Variants in BBS9 observed in about 807,000 individuals in gnomAD.
The protein encoded by BBS9 is Bardet-Biedl syndrome 9.
A neutral mutation model predicts 117.7 loss-of-function variants in BBS9; 89 were observed. The ratio of observed to expected loss-of-function variants is 0.76; its 90% CI spans 0.64 to 0.90. The LOEUF (loss-of-function observed/expected upper bound fraction) is 0.90. BBS9 is among the 40% of genes least tolerant of loss of function. The pLI is 0.00. For synonymous variants in BBS9, 379 were observed against 370.9 expected (o/e 1.02, Z -0.25); for missense variants, 982 against 1,042.2 (o/e 0.94, Z 0.80).
downstream of BBS9, among the ~76,000 whole-genome samples, chr7:33,608,596 C>T (rs2129212356): frequency 6.6e-6 from 1 of 152,208 alleles, no homozygotes; most frequent in East Asian, 1.9e-4. Flanking sequence ...GAGGGTGTCT[C>T]ATTGTGGCTT....
intron 21 of BBS9, among the ~76,000 whole-genome samples, chr7:33,542,739 G>A (rs1432635607): frequency 7.0e-6 from 1 of 143,714 alleles, no homozygotes; most frequent in Non-Finnish European, 1.5e-5. Context: ...GTGTATATGT[G>A]TGTGTATATA....
intron 5 of BBS9, among the ~76,000 whole-genome samples, chr7:33,183,604 A>G (rs570697398): frequency 1.3e-5 from 2 of 152,328 alleles, no homozygotes; most frequent in South Asian, 2.1e-4. Flanking sequence ...AGCACTGGAC[A>G]GTTTCCATTG....
chr7:33,474,717 G>C (rs1841558088), intron 19 of BBS9, among the ~76,000 whole-genome samples: 1 of 152,206 alleles, frequency 6.6e-6, no homozygotes, highest in South Asian at 2.1e-4. Context: ...GGAGGCTGAG[G>C]CAGGTGGTTC....
At chr7:33,543,116 A>G (rs1053511378) in intron 21 of BBS9, among the ~76,000 whole-genome samples, 5 of 152,102 alleles carry the variant, frequency 3.3e-5, no homozygotes, top group African/African-American at 9.7e-5. Context: ...ATCCACGCCA[A>G]CATCTACTGT....
chr7:33,240,148 T>G (rs1794234015), intron 5 of BBS9, among the ~76,000 whole-genome samples: 1 of 152,220 alleles, frequency 6.6e-6, no homozygotes, highest in Non-Finnish European at 1.5e-5. Flanking sequence ...AGACTATTTA[T>G]TTCCTTTGAC....
chr7:33,392,912 T>A (rs1827306019), intron 19 of BBS9, among the ~76,000 whole-genome samples: 1 of 152,154 alleles, frequency 6.6e-6, no homozygotes, highest in Non-Finnish European at 1.5e-5. Flanking sequence ...ACGCCTGTAA[T>A]CCTGGCACTT....
intron 21 of BBS9, among the ~76,000 whole-genome samples, chr7:33,535,179 C>T (rs1016735422): frequency 1.3e-5 from 2 of 152,130 alleles, no homozygotes; most frequent in Admixed American, 6.5e-5. Flanking sequence ...CTCTTTTTAT[C>T]CATTACTACT....
intron 9 of BBS9, among the ~76,000 whole-genome samples, chr7:33,303,529 GC>G (rs1205416824): frequency 3.0e-4 from 30 of 100,312 alleles, no homozygotes; most frequent in South Asian, 1.1e-3. Context: ...CCCTCCCCCC[GC>G]CCCTTCTTTC....
intron 19 of BBS9, among the ~76,000 whole-genome samples, chr7:33,408,550 G>C (rs1190587900): frequency 6.6e-6 from 1 of 152,198 alleles, no homozygotes; most frequent in Non-Finnish European, 1.5e-5. Flanking sequence ...GGGAGCTGTA[G>C]ACTGGAGCTG....
intron 11 of BBS9, among the ~76,000 whole-genome samples, chr7:33,342,033 G>T (rs1363749554): frequency 6.6e-6 from 1 of 151,980 alleles, no homozygotes; most frequent in African/African-American, 2.4e-5. Flanking sequence ...TACAATATTT[G>T]GAGTTCATAT....
At chr7:33,607,005 G>A (rs547364821), downstream of BBS9, among the ~76,000 whole-genome samples, 78 of 152,046 alleles carry the variant, frequency 5.1e-4, no homozygotes, top group South Asian at 6.0e-3. Context: ...ACCTTTCTTG[G>A]CATTCATCTT....
chr7:33,487,518 CAGG>C (rs1443073754), intron 19 of BBS9, among the ~76,000 whole-genome samples: 1 of 152,120 alleles, frequency 6.6e-6, no homozygotes, highest in Non-Finnish European at 1.5e-5. Context: ...ATTAGAGAAA[CAGG>C]AGGATTGTCT....
chr7:33,522,596 T>TG (rs1241168748), intron 20 of BBS9, among the ~76,000 whole-genome samples: 8 of 152,140 alleles, frequency 5.3e-5, no homozygotes, highest in African/African-American at 1.9e-4. Flanking sequence ...ATGGGGTTGT[T>TG]TGTTTTTTTC....
At chr7:33,472,114 G>A (rs1235959299) in intron 19 of BBS9, among the ~76,000 whole-genome samples, 1 of 152,198 alleles carries the variant, frequency 6.6e-6, no homozygotes, top group Middle Eastern at 3.2e-3. Flanking sequence ...CTGAGAACTA[G>A]CGAAGTAAGC....
At chr7:33,211,280 G>C (rs11771256) in intron 5 of BBS9, among the ~76,000 whole-genome samples, 146,292 of 152,266 alleles carry the variant, frequency 0.96, 70,334 homozygotes, top group East Asian at 1. Flanking sequence ...GTGACTTTCT[G>C]TGGTGGTATG....
intron 20 of BBS9, among the ~76,000 whole-genome samples, chr7:33,524,642 TTTTC>T (rs1849187885): frequency 1.3e-5 from 2 of 152,302 alleles, no homozygotes; most frequent in East Asian, 1.9e-4. Context: ...TTCTCTCTTT[TTTTC>T]TTTATTAGTC....
intron 5 of BBS9, among the ~76,000 whole-genome samples, chr7:33,235,954 T>G (rs1793400090): frequency 6.6e-6 from 1 of 152,194 alleles, no homozygotes; most frequent in East Asian, 1.9e-4. Context: ...TAGCTCTTTT[T>G]GAGTAACGAA....
At chr7:33,513,691 A>G (rs988128602) in intron 20 of BBS9, among the ~76,000 whole-genome samples, 3 of 152,220 alleles carry the variant, frequency 2.0e-5, no homozygotes, top group Non-Finnish European at 4.4e-5. Context: ...ATTATAGTCA[A>G]ACCACCATAA....
chr7:33,144,471 A>G (rs993407212), intron 1 of BBS9, among the ~76,000 whole-genome samples: 1 of 152,216 alleles, frequency 6.6e-6, no homozygotes, highest in Non-Finnish European at 1.5e-5. Context: ...AGGAGTAAAA[A>G]TTGAGTCACC....
Sources: allele counts gnomAD v4.1 joint callset (sites outside exome capture counted in the v4.1 genomes callset), GRCh38; gene constraint gnomAD v4.1.1; transcripts MANE v1.5; gene names NCBI Gene and HGNC (gene_info 2026-07-23, HGNC 2026-07-21).